ADGRL3: variants seen among roughly 807,000 people sequenced by gnomAD.
The protein encoded by ADGRL3 is calcium-independent alpha-latrotoxin receptor 3.
A neutral mutation model predicts 153.5 loss-of-function variants in ADGRL3; 62 were observed. The ratio of observed to expected loss-of-function variants is 0.40; its 90% CI spans 0.33 to 0.50. The LOEUF is 0.50. Ranked by LOEUF, ADGRL3 falls within the 20% of genes least tolerant of loss-of-function variation. The pLI is 0.47. For synonymous variants in ADGRL3, 710 were observed against 672.5 expected (o/e 1.06, Z -0.86); for missense variants, 1,641 against 1,859.4 (o/e 0.88, Z 2.16).
chr4:61,333,584 C>T (rs571312407), intron 1 of ADGRL3, among the ~76,000 whole-genome samples: 15 of 151,978 alleles, frequency 9.9e-5, no homozygotes, highest in South Asian at 4.1e-4. Context: ...TTCATTTGCA[C>T]TTTTTGTATT....
At chr4:61,977,667 A>G (rs1449369462) in intron 17 of ADGRL3, among the ~76,000 whole-genome samples, 2 of 152,200 alleles carry the variant, frequency 1.3e-5, no homozygotes, top group African/African-American at 4.8e-5. Context: ...TATGATTCAG[A>G]TTACAGCATG....
At chr4:61,233,448 AAAG>A (rs749191084) in intron 1 of ADGRL3, among the ~76,000 whole-genome samples, 2 of 152,114 alleles carry the variant, frequency 1.3e-5, no homozygotes, top group African/African-American at 4.8e-5. Context: ...CCTATGTAGG[AAAG>A]AAGAAGAAAA....
chr4:61,293,028 C>G (rs1157639209), intron 1 of ADGRL3, among the ~76,000 whole-genome samples: 1 of 152,154 alleles, frequency 6.6e-6, no homozygotes, highest in East Asian at 1.9e-4. Flanking sequence ...TCCTCTGTTT[C>G]AGTCCCACCT....
chr4:61,996,937 C>CTGTT (rs1312556580), intron 20 of ADGRL3, among the ~76,000 whole-genome samples: 1 of 151,988 alleles, frequency 6.6e-6, no homozygotes, highest in Non-Finnish European at 1.5e-5. Context: ...TTAGATAAAA[C>CTGTT]TGTTAGTATA....
intron 8 of ADGRL3, among the ~76,000 whole-genome samples, chr4:61,784,256 A>G (rs1224039985): frequency 6.6e-6 from 1 of 152,182 alleles, no homozygotes; most frequent in East Asian, 1.9e-4. Flanking sequence ...AACAGCCTAT[A>G]TCAAGGATCT....
At chr4:61,392,708 A>AAAAAAAAT (rs1560565678) in intron 2 of ADGRL3, among the ~76,000 whole-genome samples, 1 of 92,740 alleles carries the variant, frequency 1.1e-5, no homozygotes, top group Non-Finnish European at 2.4e-5. Flanking sequence ...AAAAAAAAAG[A>AAAAAAAAT]AAAAGGAAAA....
chr4:61,219,485 CATTTT>C (rs1744390585), intron 1 of ADGRL3, among the ~76,000 whole-genome samples: 1 of 152,092 alleles, frequency 6.6e-6, no homozygotes, highest in African/African-American at 2.4e-5. Flanking sequence ...AAAGATCTTT[CATTTT>C]GTTTATAGTG....
chr4:61,585,839 T>C (rs1314625247), intron 4 of ADGRL3, among the ~76,000 whole-genome samples: 2 of 152,004 alleles, frequency 1.3e-5, no homozygotes, highest in African/African-American at 4.8e-5. Context: ...TAAATATATA[T>C]GTCCAGCAAA....
chr4:61,744,852 A>G (rs1371607276), intron 8 of ADGRL3, among the ~76,000 whole-genome samples: 2 of 152,236 alleles, frequency 1.3e-5, no homozygotes, highest in African/African-American at 4.8e-5. Flanking sequence ...GCAACGGAAC[A>G]AAGCTGGACA....
intron 1 of ADGRL3, among the ~76,000 whole-genome samples, chr4:61,266,383 A>G (rs887598528): frequency 2.0e-5 from 3 of 151,902 alleles, no homozygotes; most frequent in Admixed American, 6.6e-5. Flanking sequence ...TTCATAAAGC[A>G]GAACAAACAG....
chr4:61,946,605 T>C (rs1294296626), intron 15 of ADGRL3, among the ~76,000 whole-genome samples: 1 of 152,142 alleles, frequency 6.6e-6, no homozygotes. Flanking sequence ...AGTACAAGGA[T>C]ATTATTCTAT....
intron 21 of ADGRL3, among the ~76,000 whole-genome samples, chr4:62,019,145 C>A (rs2099226421): frequency 6.6e-6 from 1 of 151,998 alleles, no homozygotes; most frequent in Non-Finnish European, 1.5e-5. Context: ...TTTACATTTG[C>A]TTTTCTAAAT....
chr4:61,875,138 A>G (rs573961522), intron 9 of ADGRL3, among the ~76,000 whole-genome samples: 4 of 152,226 alleles, frequency 2.6e-5, no homozygotes, highest in African/African-American at 9.6e-5. Context: ...AACACACAAA[A>G]TTGCCTAGTT....
chr4:61,274,627 C>T (rs1322441626), intron 1 of ADGRL3, among the ~76,000 whole-genome samples: 1 of 151,986 alleles, frequency 6.6e-6, no homozygotes, highest in Non-Finnish European at 1.5e-5. Context: ...TTATCAGGGA[C>T]AGTGTGCTGG....
intron 5 of ADGRL3, among the ~76,000 whole-genome samples, chr4:61,632,504 T>C (rs184978324): frequency 6.6e-6 from 1 of 152,286 alleles, no homozygotes; most frequent in East Asian, 1.9e-4. Flanking sequence ...AGGAAAAGTC[T>C]TTGTTCAGCC....
At chr4:61,386,990 G>T (rs1267031822) in intron 2 of ADGRL3, among the ~76,000 whole-genome samples, 1 of 152,130 alleles carries the variant, frequency 6.6e-6, no homozygotes, top group Admixed American at 6.6e-5. Context: ...GATCTAGAAC[G>T]TATATAGGGG....
chr4:61,897,315 A>C (rs1398419168), intron 11 of ADGRL3, among the ~76,000 whole-genome samples: 2 of 152,208 alleles, frequency 1.3e-5, no homozygotes, highest in Non-Finnish European at 1.5e-5. Context: ...CCTTAGATTG[A>C]TTACTCAAAA....
At chr4:61,268,348 CTTCT>C (rs2149731978) in intron 1 of ADGRL3, among the ~76,000 whole-genome samples, 1 of 151,624 alleles carries the variant, frequency 6.6e-6, no homozygotes, top group Non-Finnish European at 1.5e-5. Context: ...GATTTTATTT[CTTCT>C]TTCTATGTAG....
At chr4:61,658,195 G>T (rs1339000516) in intron 5 of ADGRL3, among the ~76,000 whole-genome samples, 1 of 151,958 alleles carries the variant, frequency 6.6e-6, no homozygotes, top group Non-Finnish European at 1.5e-5. Context: ...ATTAAGACTT[G>T]CCAATTTTCC....
Sources: gnomAD v4.1 joint callset for allele counts (sites outside exome capture counted in the v4.1 genomes callset) on GRCh38, gnomAD v4.1.1 for gene constraint, MANE v1.5 for transcripts, NCBI Gene and HGNC (gene_info 2026-07-23, HGNC 2026-07-21) for gene names.